Variants in ASTN1 observed in about 807,000 individuals in gnomAD.
ASTN1 encodes astrotactin 1.
Under a neutral mutation model 140.7 loss-of-function variants are expected in ASTN1, and 41 were observed. That is an observed-to-expected ratio of 0.29 (90% CI 0.23 to 0.38). The LOEUF (loss-of-function observed/expected upper bound fraction) is 0.38, where lower values mean the gene tolerates loss of function less well. Ranked by LOEUF, ASTN1 falls within the 10% of genes least tolerant of loss-of-function variation. The pLI, the probability that ASTN1 is intolerant of heterozygous loss-of-function variation, is 1.00. For missense variants in ASTN1, 1,479 were observed against 1,678.8 expected, an observed-to-expected ratio of 0.88 and a Z score of 2.08; for synonymous variants, 640 against 652.2, an observed-to-expected ratio of 0.98 and a Z score of 0.29.
intron 15 of ASTN1, among the ~76,000 whole-genome samples, chr1:176,934,814 A>C (rs891418725): frequency 1.3e-5 from 2 of 152,188 alleles, no homozygotes; most frequent in African/African-American, 4.8e-5. Flanking sequence ...TGTACGCGCA[A>C]GGTCACGATA....
chr1:176,996,396 T>C (rs993962890), intron 8 of ASTN1, among the ~76,000 whole-genome samples: 7 of 152,024 alleles, frequency 4.6e-5, no homozygotes, highest in African/African-American at 1.7e-4. Context: ...ATCAAGTATA[T>C]ATCCAGAACT....
downstream of ASTN1, among the ~76,000 whole-genome samples, chr1:176,859,507 G>A (rs996748619): frequency 6.6e-6 from 1 of 152,156 alleles, no homozygotes; most frequent in African/African-American, 2.4e-5. Flanking sequence ...ACCCCTGGCC[G>A]GGCACAGTGG....
chr1:177,048,763 G>A, intron 2 of ASTN1, among the ~76,000 whole-genome samples: 1 of 152,186 alleles, frequency 6.6e-6, no homozygotes. Context: ...GCTAGCAGAG[G>A]CTAACAGTAT....
intron 1 of ASTN1, among the ~76,000 whole-genome samples, chr1:177,066,256 C>T (rs1678347254): frequency 6.6e-6 from 1 of 152,120 alleles, no homozygotes; most frequent in Non-Finnish European, 1.5e-5. Context: ...GGACCTCAGG[C>T]TGGTGAGAAG....
At position 177,014,838 on chromosome 1, in the gene ASTN1, T is replaced by C; in HGVS notation, c.1476A>G (p.Pro492=). The change falls in exon 8 of 23, where the codon CCA becomes CCG. Residue 492 remains proline, a synonymous_variant. Coordinates refer to ENST00000361833, the MANE Select transcript of ASTN1 (RefSeq NM_004319.3). The part of the protein sequence containing the change: ...CLCYEGYMKD[P]VHKHLCIRNE... Reference sequence around the variant, plus strand: ...TCCGAATGCAAAGGTGCTTATGTACTGGATCCTTCATGTAGCCTTCATAGC... The same window carrying C: ...TCCGAATGCAAAGGTGCTTATGTACCGGATCCTTCATGTAGCCTTCATAGC... The C allele has an allele frequency of 6.2e-7, 1 of 1,613,870 alleles. No homozygotes were observed.
At chr1:177,096,767 C>T (rs1680045273) in intron 1 of ASTN1, among the ~76,000 whole-genome samples, 1 of 152,168 alleles carries the variant, frequency 6.6e-6, no homozygotes, top group Non-Finnish European at 1.5e-5. Flanking sequence ...ATGGTGAGGC[C>T]TCCCCAGCCT....
At chr1:176,959,279 T>G (rs759422387) in intron 9 of ASTN1, among the ~76,000 whole-genome samples, 1 of 152,150 alleles carries the variant, frequency 6.6e-6, no homozygotes, top group Non-Finnish European at 1.5e-5. Flanking sequence ...TGAAAGCCAG[T>G]GTGGATGGGA....
chr1:177,002,819 CT>C (rs921976726), intron 8 of ASTN1, among the ~76,000 whole-genome samples: 1 of 151,940 alleles, frequency 6.6e-6, no homozygotes, highest in Non-Finnish European at 1.5e-5. Context: ...AATTACTCAC[CT>C]TTTTTTAAAA....
intron 1 of ASTN1, among the ~76,000 whole-genome samples, chr1:177,146,747 C>T (rs994696121): frequency 2.0e-5 from 3 of 152,058 alleles, no homozygotes; most frequent in Non-Finnish European, 2.9e-5. Context: ...AGTTGTTTTC[C>T]GAGATCACTT....
chr1:176,862,044 A>G lies in ASTN1; in HGVS notation c.*2240T>C, dbSNP rs529822408. ...AACACCGTGTTCTGCACAGATATGAATAGAAGGATGGCAAAACAGTAGCAG... is the reference window on the plus strand; with the variant it reads ...AACACCGTGTTCTGCACAGATATGAGTAGAAGGATGGCAAAACAGTAGCAG... On this transcript the variant is annotated 3_prime_UTR_variant, in exon 23 of 23. Coordinates refer to ENST00000361833, the MANE Select transcript of ASTN1 (RefSeq NM_004319.3). 7.7e-5 allele frequency: 76 copies of G among 985,414 alleles called. No individual in the cohort carries two copies. The African/African-American group carries it at 1.2e-3, about 16-fold the overall frequency. The allele number at this position is 985,414 out of a possible 1,614,324, so 61.0% of individuals were successfully genotyped here.
rs192166418 is a variant in ASTN1, at chr1:177,027,851, C to T, written c.1120+1783G>A. On this transcript the variant is annotated intron_variant, in intron 5 of 22. Transcript: ENST00000361833. ...TTGCTTTCAGGTAGGATTAACTGTCCTCTCTTCTGAGTACTCTCTTCACTT... is the reference window on the plus strand; with the variant it reads ...TTGCTTTCAGGTAGGATTAACTGTCTTCTCTTCTGAGTACTCTCTTCACTT... 2.0e-5 allele frequency among the ~76,000 whole-genome samples: 3 copies of T among 151,580 alleles called. No individual in the cohort carries two copies. In the East Asian group the frequency reaches 5.8e-4, roughly 30 times the overall value.
At chr1:177,109,396 T>A (rs1044781045) in intron 1 of ASTN1, among the ~76,000 whole-genome samples, 1 of 151,916 alleles carries the variant, frequency 6.6e-6, no homozygotes, top group Non-Finnish European at 1.5e-5. Flanking sequence ...ACTTCAAAAG[T>A]GTTTTAAGGG....
Position 177,060,965 on chromosome 1 carries a change from T to C in ASTN1, c.471+113A>G, listed in dbSNP as rs186986103. 37 of 1,100,102 alleles carry C rather than the reference T, an allele frequency of 3.4e-5. No individual in the cohort carries two copies. In the East Asian group the frequency reaches 1.0e-3, roughly 31 times the overall value. The allele number at this position is 1,100,102 out of a possible 1,614,324, so 68.1% of individuals were successfully genotyped here. On this transcript the variant is annotated intron_variant, in intron 2 of 22. Transcript: ENST00000361833. ...ATGGGAAATTTACTTATTAACATGA[T>C]CAATGATCATTACAGAGTTAGGTCT...
intron 2 of ASTN1, among the ~76,000 whole-genome samples, chr1:177,058,935 A>T (rs1454993792): frequency 1.3e-5 from 2 of 152,154 alleles, no homozygotes; most frequent in Non-Finnish European, 2.9e-5. Flanking sequence ...ACAATGTGGC[A>T]ACAAGTACAA....
chr1:177,037,217 G>T (rs1469238221), intron 2 of ASTN1, among the ~76,000 whole-genome samples: 1 of 152,108 alleles, frequency 6.6e-6, no homozygotes, highest in African/African-American at 2.4e-5. Context: ...AAAGAGTCTA[G>T]CGAAATGAAA....
At chr1:177,098,422 C>T (rs1680137167) in intron 1 of ASTN1, among the ~76,000 whole-genome samples, 1 of 152,292 alleles carries the variant, frequency 6.6e-6, no homozygotes, top group African/African-American at 2.4e-5. Flanking sequence ...CAGTGCCTGA[C>T]ACTTAGCAAA....
In ASTN1 at chr1:177,024,702, G is replaced by A; in HGVS notation, c.1151C>T (p.Thr384Ile). 1 of 1,614,066 alleles carries A rather than the reference G, an allele frequency of 6.2e-7. No individual in the cohort carries two copies. Among genetic ancestry groups the A allele is most frequent in the Non-Finnish European group, 8.5e-7 (1 of 1,179,960 alleles). Reference sequence around the variant, plus strand: ...GGTGATGCTGATCAGGGTCAAGGTGGTCTTATTCACAGGACTTCGGGGAGA... The same window carrying A: ...GGTGATGCTGATCAGGGTCAAGGTGATCTTATTCACAGGACTTCGGGGAGA... ...VGSPRSPVNK[T>I]TLTLISITSC... is the part of the protein sequence containing the mutation. Residue 384 changes from threonine to isoleucine, a missense_variant, in exon 6 of 23, where the codon ACC becomes ATC. Coordinates refer to ENST00000361833, the MANE Select transcript of ASTN1 (RefSeq NM_004319.3).
At chr1:176,994,758 A>G (rs1253897243) in intron 8 of ASTN1, among the ~76,000 whole-genome samples, 1 of 152,194 alleles carries the variant, frequency 6.6e-6, no homozygotes, top group Non-Finnish European at 1.5e-5. Context: ...GGATAATGAT[A>G]GTTCATATTC....
At chr1:177,015,455 G>C (rs994189647) in intron 7 of ASTN1, among the ~76,000 whole-genome samples, 1 of 152,146 alleles carries the variant, frequency 6.6e-6, no homozygotes, top group African/African-American at 2.4e-5. Flanking sequence ...CTAGCTCATA[G>C]AACAACTACT....
Sources: allele counts gnomAD v4.1 joint callset (sites outside exome capture counted in the v4.1 genomes callset), GRCh38; gene constraint gnomAD v4.1.1; transcripts MANE v1.5; gene names NCBI Gene and HGNC (gene_info 2026-07-23, HGNC 2026-07-21).